The following FMN2 variants were observed in gnomAD, a reference collection of about 807,000 sequenced individuals.
FMN2 encodes formin-2.
Under a neutral mutation model 142.3 loss-of-function variants are expected in FMN2, and 51 were observed. That is an observed-to-expected ratio of 0.36 (90% CI 0.29 to 0.45). FMN2 has a LOEUF of 0.45. FMN2 is among the 20% of genes least tolerant of loss of function. FMN2 has a pLI of 1.00. For synonymous variants in FMN2, 882 were observed against 869.8 expected (o/e 1.01, Z -0.25); for missense variants, 1,936 against 2,122.8 (o/e 0.91, Z 1.73).
Position 240,311,785 on chromosome 1 carries a change from A to G in FMN2, c.4215+16902A>G, listed in dbSNP as rs1670613077. Among the ~76,000 whole-genome samples the G allele has an allele frequency of 1.3e-5, 2 of 152,200 alleles. 1 individual carries two copies. Among genetic ancestry groups the G allele is most frequent in the South Asian group, 4.1e-4 (2 of 4,834 alleles). On this transcript the variant is annotated intron_variant, in intron 8 of 17. Coordinates refer to ENST00000319653, the MANE Select transcript of FMN2 (RefSeq NM_020066.5). ...ACAGCTGCATTGGAAATATGTGGAA[A>G]TAAATGATCCGGGATTGTTCTTATA...
intron 15 of FMN2, among the ~76,000 whole-genome samples, chr1:240,414,907 T>G (rs187999576): frequency 2.0e-5 from 3 of 152,292 alleles, no homozygotes; most frequent in Non-Finnish European, 4.4e-5. Context: ...AGGTCATATA[T>G]CAGAAGAACT....
At chr1:240,184,449 C>T (rs949717351) in intron 3 of FMN2, among the ~76,000 whole-genome samples, 29 of 149,698 alleles carry the variant, frequency 1.9e-4, no homozygotes, top group African/African-American at 6.4e-4. Context: ...TTGGCCTGAC[C>T]TTGTGATCTG....
In FMN2 at chr1:240,286,024, G is replaced by C. The variant is rs545340859; in HGVS notation, c.4154-8798G>C. On this transcript the variant is annotated intron_variant, in intron 7 of 17. Transcript: ENST00000319653. ...ATGAGAAGCCCTGAGTCTTCATGTT[G>C]GGCTCTTGGACTTTGAGTTCAGTGT... 9.2e-5 allele frequency among the ~76,000 whole-genome samples: 14 copies of C among 152,168 alleles called. No individual in the cohort carries two copies. In the South Asian group the frequency reaches 2.5e-3, roughly 27 times the overall value.
intron 3 of FMN2, among the ~76,000 whole-genome samples, chr1:240,181,337 C>T (rs1490266813): frequency 6.6e-6 from 1 of 152,188 alleles, no homozygotes; most frequent in Non-Finnish European, 1.5e-5. Context: ...TTACCCAATT[C>T]ACATGTCCAG....
intron 14 of FMN2, among the ~76,000 whole-genome samples, chr1:240,362,714 G>A (rs1406317815): frequency 2.6e-5 from 4 of 151,992 alleles, no homozygotes; most frequent in African/African-American, 9.7e-5. Context: ...TTAGTCATAT[G>A]GTACATTTTG....
At position 240,092,567 on chromosome 1, in the gene FMN2, G is replaced by A. The variant is rs1217742857; in HGVS notation, c.458G>A (p.Arg153Lys). ...GGGGGTCCTGGGCCTGCCGAGGCTA[G>A]GGTCGGGGGCCGGCCGATCGCCGAG... ...GPGGPGPAEA[R>K]VGGRPIAEDV... is the part of the protein sequence containing the mutation. The change falls in exon 1 of 18, where the codon AGG (arginine) becomes AAG (lysine). Residue 153 changes from arginine (R) to lysine (K), a missense_variant. Physicochemically the swap from Arg to Lys is conservative, Grantham distance 26. Around this residue, in one of 8 missense-constraint regions of FMN2, gnomAD observed 751 missense variants for 791.8 expected, o/e 0.95. Coordinates refer to ENST00000319653, the MANE Select transcript of FMN2 (RefSeq NM_020066.5). 2 of 1,613,410 alleles carry A rather than the reference G, an allele frequency of 1.2e-6. No individual in the cohort carries two copies. The highest frequency in any genetic ancestry group is 1.7e-6 in the Non-Finnish European group (2 of 1,179,846).
chr1:240,200,266 G>T (rs193259581), intron 4 of FMN2, among the ~76,000 whole-genome samples: 3 of 152,096 alleles, frequency 2.0e-5, no homozygotes, highest in African/African-American at 7.2e-5. Flanking sequence ...TGCTTAAATG[G>T]CAAGAAAATG....
At chr1:240,137,103 CTA>C (rs1445456906) in intron 2 of FMN2, among the ~76,000 whole-genome samples, 6 of 148,026 alleles carry the variant, frequency 4.1e-5, no homozygotes, top group South Asian at 2.1e-4. Flanking sequence ...AATTGGGACT[CTA>C]TGGCAAAGTG....
chr1:240,344,668 G>T (rs1351051528), intron 13 of FMN2, among the ~76,000 whole-genome samples: 1 of 152,126 alleles, frequency 6.6e-6, no homozygotes, highest in African/African-American at 2.4e-5. Context: ...TGAATTCTAA[G>T]ATTTGATGCC....
intron 6 of FMN2, among the ~76,000 whole-genome samples, chr1:240,228,530 C>T (rs938458598): frequency 2.0e-5 from 3 of 151,798 alleles, no homozygotes; most frequent in African/African-American, 7.3e-5. Flanking sequence ...AGAGAAAGGC[C>T]ATAGCTAGCA....
intron 2 of FMN2, among the ~76,000 whole-genome samples, chr1:240,138,421 C>T (rs994494653): frequency 1.3e-5 from 2 of 152,034 alleles, no homozygotes; most frequent in Admixed American, 6.6e-5. Context: ...ACATGTGGGC[C>T]GAGCACGGTG....
chr1:240,387,614 C>T (rs1015061985), intron 14 of FMN2, among the ~76,000 whole-genome samples: 1 of 152,202 alleles, frequency 6.6e-6, no homozygotes, highest in Non-Finnish European at 1.5e-5. Flanking sequence ...AAAGCAATCC[C>T]GTGGTTTTAT....
chr1:240,312,231 C>T (rs1412817854), intron 8 of FMN2, among the ~76,000 whole-genome samples: 3 of 152,140 alleles, frequency 2.0e-5, no homozygotes, highest in Admixed American at 1.3e-4. Context: ...TTTCTCAAAA[C>T]CATGCAGATC....
At chr1:240,430,880 G>A (rs559444919) in intron 15 of FMN2, among the ~76,000 whole-genome samples, 14 of 150,836 alleles carry the variant, frequency 9.3e-5, no homozygotes, top group Non-Finnish European at 1.9e-4. Flanking sequence ...GACAATGTAA[G>A]TCCTTCACCT....
intron 14 of FMN2, among the ~76,000 whole-genome samples, chr1:240,362,105 G>T (rs1334965733): frequency 1.3e-5 from 2 of 152,172 alleles, no homozygotes; most frequent in Admixed American, 1.3e-4. Flanking sequence ...ATAAGCAGAC[G>T]CTGATTTTCT....
At chr1:240,243,130 GA>G (rs145296927) in intron 6 of FMN2, among the ~76,000 whole-genome samples, 11 of 146,444 alleles carry the variant, frequency 7.5e-5, no homozygotes, top group East Asian at 6.0e-4. Flanking sequence ...GGAGTAGACC[GA>G]AAAAAAAAAC....
intron 7 of FMN2, among the ~76,000 whole-genome samples, chr1:240,289,085 G>C (rs1669688121): frequency 6.6e-6 from 1 of 152,146 alleles, no homozygotes; most frequent in Non-Finnish European, 1.5e-5. Flanking sequence ...CTGCAGAAAT[G>C]AATAACACAC....
chr1:240,180,569 T>TC (rs966323866), intron 3 of FMN2, among the ~76,000 whole-genome samples: 49 of 146,126 alleles, frequency 3.4e-4, no homozygotes, highest in African/African-American at 9.4e-4. Context: ...ATGACCCCTT[T>TC]TTTTTTTTTT....
intron 14 of FMN2, among the ~76,000 whole-genome samples, chr1:240,357,456 G>A (rs549040976): frequency 2.6e-5 from 4 of 152,232 alleles, no homozygotes; most frequent in South Asian, 2.1e-4. Flanking sequence ...ATGATCAGCC[G>A]AATATGATAT....
Sources: gnomAD v4.1 joint callset for allele counts (sites outside exome capture counted in the v4.1 genomes callset) on GRCh38, gnomAD v4.1.1 for gene constraint, gnomAD v4.1.1 regional missense constraint, MANE v1.5 for transcripts, NCBI Gene and HGNC (gene_info 2026-07-23, HGNC 2026-07-21) for gene names.